The following PARD3B variants were observed in gnomAD, a reference collection of about 807,000 sequenced individuals.
The protein encoded by PARD3B is partitioning defective 3 homolog B.
In PARD3B, 103 loss-of-function variants were observed where a neutral mutation model predicts 130.2. The observed-to-expected ratio is 0.79, with a 90% CI of 0.67 to 0.93. The LOEUF is 0.93. Ranked by LOEUF, PARD3B falls within the 40% of genes least tolerant of loss-of-function variation. PARD3B has a pLI of 0.00. For missense variants in PARD3B, 1,609 were observed against 1,499.2 expected (o/e 1.07, Z -1.21); for synonymous variants, 583 against 553.2 (o/e 1.05, Z -0.76).
At chr2:204,650,257 G>A (rs1272900666) in intron 1 of PARD3B, among the ~76,000 whole-genome samples, 2 of 152,150 alleles carry the variant, frequency 1.3e-5, no homozygotes, top group African/African-American at 4.8e-5. Flanking sequence ...TAAGATGCTA[G>A]TGAGGTTGTG....
At chr2:205,308,756 G>A (rs1476103300) in intron 18 of PARD3B, among the ~76,000 whole-genome samples, 3 of 152,138 alleles carry the variant, frequency 2.0e-5, no homozygotes, top group African/African-American at 4.8e-5. Context: ...CCATCAGCTC[G>A]AGGGAATCAA....
At chr2:205,156,543 T>C (rs76395181) in intron 10 of PARD3B, among the ~76,000 whole-genome samples, 9 of 147,650 alleles carry the variant, frequency 6.1e-5, no homozygotes, top group Non-Finnish European at 1.3e-4. Context: ...GAGGAAAAGA[T>C]AAAAAAAAAA....
intron 2 of PARD3B, among the ~76,000 whole-genome samples, chr2:204,789,960 T>C (rs563380724): frequency 2.0e-5 from 3 of 150,892 alleles, no homozygotes; most frequent in Non-Finnish European, 4.4e-5. Context: ...AAGCTCCACC[T>C]CCCGGGTTCA....
chr2:205,084,660 AC>A (rs1177223574), intron 4 of PARD3B, among the ~76,000 whole-genome samples: 1 of 152,022 alleles, frequency 6.6e-6, no homozygotes, highest in Non-Finnish European at 1.5e-5. Context: ...TGTTTAGGTA[AC>A]ATACTTCCTA....
chr2:204,682,551 C>A (rs1414762445), intron 1 of PARD3B, among the ~76,000 whole-genome samples: 1 of 152,168 alleles, frequency 6.6e-6, no homozygotes, highest in African/African-American at 2.4e-5. Flanking sequence ...TTGACCATTG[C>A]TGTTGTGTTC....
intron 2 of PARD3B, among the ~76,000 whole-genome samples, chr2:204,845,834 T>A (rs1406134660): frequency 1.3e-5 from 2 of 152,138 alleles, no homozygotes; most frequent in East Asian, 3.8e-4. Context: ...TGTATAGATA[T>A]AAGTGATCTG....
chr2:205,109,601 C>G (rs1703473479), intron 5 of PARD3B, among the ~76,000 whole-genome samples: 1 of 145,988 alleles, frequency 6.8e-6, no homozygotes, highest in Non-Finnish European at 1.5e-5. Flanking sequence ...GTGTTATGAT[C>G]TTTATTTTTC....
Position 205,446,234 on chromosome 2 carries a change from C to T in PARD3B, c.3044+5562C>T, listed in dbSNP as rs565397549. On this transcript the variant is annotated intron_variant, in intron 20 of 22. Coordinates refer to ENST00000406610, the MANE Select transcript of PARD3B (RefSeq NM_001302769.2). This position sits in a 1 kb window ranked among gnomAD's most constrained non-coding sequence, Gnocchi z 4.4. ...CCAAAGGCAGATGAGAGAGGTTGGCCGGCCTTGACGAAGAGTTTGGACTCT... is the reference window on the plus strand; with the variant it reads ...CCAAAGGCAGATGAGAGAGGTTGGCTGGCCTTGACGAAGAGTTTGGACTCT... Among the ~76,000 whole-genome samples, 10 of 152,070 alleles carry T rather than the reference C, an allele frequency of 6.6e-5. No individual in the cohort carries two copies. In the South Asian group the frequency reaches 1.7e-3, roughly 25 times the overall value.
chr2:205,049,315 C>T (rs992140724), intron 4 of PARD3B, among the ~76,000 whole-genome samples: 39 of 152,098 alleles, frequency 2.6e-4, no homozygotes, highest in African/African-American at 8.7e-4. Flanking sequence ...ACATGTCCTT[C>T]TTCACAAGGA....
intron 12 of PARD3B, among the ~76,000 whole-genome samples, chr2:205,174,822 AGT>A (rs2035373617): frequency 6.6e-6 from 1 of 152,234 alleles, no homozygotes; most frequent in Non-Finnish European, 1.5e-5. Context: ...ATATGTAAAC[AGT>A]TTTGATGAGG....
intron 22 of PARD3B, among the ~76,000 whole-genome samples, chr2:205,567,079 G>C (rs967118759): frequency 2.6e-5 from 4 of 152,050 alleles, no homozygotes; most frequent in Non-Finnish European, 5.9e-5. Context: ...GAATAAATTT[G>C]TTCAGAAATA....
chr2:204,864,313 T>C (rs12328364), intron 2 of PARD3B, among the ~76,000 whole-genome samples: 18,142 of 152,184 alleles, frequency 0.12, 1,439 homozygotes, highest in African/African-American at 0.22. Flanking sequence ...TAGATTAAGA[T>C]GTAAACTTCT....
chr2:204,831,166 T>G (rs73066678), intron 2 of PARD3B, among the ~76,000 whole-genome samples: 2,606 of 152,292 alleles, frequency 0.017, 67 homozygotes, highest in African/African-American at 0.057. Context: ...GTTATTTAAA[T>G]TTTTTGCTTG....
chr2:204,980,581 A>G (rs1205537098), intron 3 of PARD3B, among the ~76,000 whole-genome samples: 4 of 152,246 alleles, frequency 2.6e-5, no homozygotes, highest in Non-Finnish European at 4.4e-5. Context: ...ATCTCCAGGC[A>G]TAATTCAGCT....
At chr2:205,381,308 A>G (rs1387934959) in intron 18 of PARD3B, among the ~76,000 whole-genome samples, 1 of 147,672 alleles carries the variant, frequency 6.8e-6, no homozygotes, top group African/African-American at 2.5e-5. Flanking sequence ...AGTACACACA[A>G]AATTCACAAT....
intron 4 of PARD3B, among the ~76,000 whole-genome samples, chr2:205,073,832 A>G (rs1344319703): frequency 1.3e-5 from 2 of 152,190 alleles, no homozygotes; most frequent in African/African-American, 2.4e-5. Context: ...AACATTTCCA[A>G]ATAAGGAATA....
At position 204,943,400 on chromosome 2, in the gene PARD3B, T is replaced by A. The variant is rs974092878; in HGVS notation, c.223-21752T>A. Among the ~76,000 whole-genome samples the A allele has an allele frequency of 1.3e-5, 2 of 152,054 alleles. No individual in the cohort carries two copies. The highest frequency in any genetic ancestry group is 4.8e-5 in the African/African-American group (2 of 41,406). ...AAGCCAAGATCCCAGCAATGAGCCC[T>A]TTCCTCTGCTTCTCATGGAGTTCTT... On this transcript the variant is annotated intron_variant, in intron 2 of 22. Transcript: ENST00000406610. The surrounding 1 kb of genome is among the most constrained non-coding windows in gnomAD (Gnocchi z 4.2).
chr2:205,351,958 A>T lies in PARD3B; in HGVS notation c.2631-49055A>T, dbSNP rs754790153. On this transcript the variant is annotated intron_variant, in intron 18 of 22. Transcript: ENST00000406610. The surrounding 1 kb of genome is among the most constrained non-coding windows in gnomAD (Gnocchi z 4.2). ...CGCGTATTGCTGAGGAAACACAACC[A>T]ACACCCACTGTTTCAAAGAAAACCA... Among the ~76,000 whole-genome samples the T allele has an allele frequency of 6.6e-6, 1 of 152,158 alleles. No homozygotes were observed. The highest frequency in any genetic ancestry group is 1.5e-5 in the Non-Finnish European group (1 of 68,032).
In PARD3B at chr2:205,105,955, T is replaced by G. The variant is rs963636288; in HGVS notation, c.593+1441T>G. ...TTATTCTATTTGGCTTTAATTTCACTTATTTCAGTGTTAGCTTTTTGAAAA... is the reference window on the plus strand; with the variant it reads ...TTATTCTATTTGGCTTTAATTTCACGTATTTCAGTGTTAGCTTTTTGAAAA... On this transcript the variant is annotated intron_variant, in intron 5 of 22. Coordinates refer to ENST00000406610, the MANE Select transcript of PARD3B (RefSeq NM_001302769.2). This position sits in a 1 kb window ranked among gnomAD's most constrained non-coding sequence, Gnocchi z 4.0. 6.6e-6 allele frequency among the ~76,000 whole-genome samples: 1 copy of G among 151,954 alleles called. No homozygotes were observed. Among genetic ancestry groups the G allele is most frequent in the African/African-American group, 2.4e-5 (1 of 41,392 alleles).
Sources: gnomAD v4.1 joint callset for allele counts (sites outside exome capture counted in the v4.1 genomes callset) on GRCh38, gnomAD v4.1.1 for gene constraint, Gnocchi (gnomAD v3.1) non-coding constraint, MANE v1.5 for transcripts, NCBI Gene and HGNC (gene_info 2026-07-23, HGNC 2026-07-21) for gene names.